Variants in ADARB2 observed in about 807,000 individuals in gnomAD.
ADARB2 encodes the protein adenosine deaminase RNA specific B2 (inactive).
In ADARB2, 25 loss-of-function variants were observed where a neutral mutation model predicts 62.2. The observed-to-expected ratio is 0.40, with a 90% confidence interval of 0.29 to 0.56. The LOEUF is 0.56. ADARB2 is among the 20% of genes least tolerant of loss of function. The pLI is 0.43. For missense variants in ADARB2, 1,071 were observed against 1,077.4 expected (o/e 0.99, Z 0.08); for synonymous variants, 572 against 500.8 (o/e 1.14, Z -1.90).
intron 1 of ADARB2, among the ~76,000 whole-genome samples, chr10:1,396,389 A>G (rs976161440): frequency 6.6e-6 from 1 of 152,162 alleles, no homozygotes; most frequent in Non-Finnish European, 1.5e-5. Context: ...AGTTTGGGCT[A>G]TTTGAACAAA....
chr10:1,569,069 A>G (rs371656878), intron 1 of ADARB2, among the ~76,000 whole-genome samples: 1 of 151,108 alleles, frequency 6.6e-6, no homozygotes, highest in East Asian at 1.9e-4. Context: ...AAAGAGAGAC[A>G]GAGACAGACA....
intron 1 of ADARB2, among the ~76,000 whole-genome samples, chr10:1,627,187 C>T (rs996061973): frequency 3.9e-5 from 6 of 152,022 alleles, no homozygotes; most frequent in African/African-American, 9.7e-5. Context: ...TAACTTGGGA[C>T]GTGCACAAGA....
At chr10:1,233,914 G>T (rs182197494) in intron 5 of ADARB2, 69 bp from the exon 6 acceptor site, 7 of 1,494,338 alleles carry the variant, frequency 4.7e-6, no homozygotes, top group Non-Finnish European at 2.7e-6. Context: ...CCAGGTGAAC[G>T]CTTGAGTCCT....
chr10:1,435,627 C>T (rs1174319083), intron 1 of ADARB2, among the ~76,000 whole-genome samples: 1 of 149,796 alleles, frequency 6.7e-6, no homozygotes, highest in Non-Finnish European at 1.5e-5. Flanking sequence ...TCTCTCCTTC[C>T]ACTTCCTGGG....
At position 1,736,767 on chromosome 10, in the gene ADARB2, A is replaced by G. The variant is rs1198937339; in HGVS notation, c.100+284T>C. The stretch of plus-strand genomic sequence containing the variant: ...CCACTGGGGACTGCGGGGCCCGGAG[A>G]CGCGCGGGGTCCCCGGGGAGCTCCT... On this transcript the variant is annotated intron_variant, in intron 1 of 9. Transcript: ENST00000381312. Among the ~76,000 whole-genome samples the G allele has an allele frequency of 2.0e-5, 3 of 152,118 alleles. No individual in the cohort carries two copies. The East Asian group carries it at 5.8e-4, about 29-fold the overall frequency.
intron 1 of ADARB2, among the ~76,000 whole-genome samples, chr10:1,514,658 T>A (rs1281671559): frequency 6.6e-6 from 1 of 152,090 alleles, no homozygotes; most frequent in Admixed American, 6.5e-5. Context: ...AACTGAATTT[T>A]AAGTTGTATT....
intron 1 of ADARB2, among the ~76,000 whole-genome samples, chr10:1,550,545 C>T (rs1269293502): frequency 1.3e-5 from 2 of 152,190 alleles, no homozygotes; most frequent in Non-Finnish European, 2.9e-5. Flanking sequence ...CCACATGGCC[C>T]AATTTACCAC....
At chr10:1,276,310 G>A (rs11250382) in intron 3 of ADARB2, among the ~76,000 whole-genome samples, 26,242 of 152,064 alleles carry the variant, frequency 0.17, 2,473 homozygotes, top group Admixed American at 0.29. Context: ...GTCTTCTTTT[G>A]AGAAGTGTCT....
At chr10:1,506,105 A>T (rs1477985047) in intron 1 of ADARB2, among the ~76,000 whole-genome samples, 1 of 151,854 alleles carries the variant, frequency 6.6e-6, no homozygotes, top group East Asian at 1.9e-4. Flanking sequence ...TGGGAAGATG[A>T]TGTGCATGTC....
intron 6 of ADARB2, among the ~76,000 whole-genome samples, chr10:1,232,717 ATG>A (rs757810457): frequency 3.0e-4 from 39 of 131,616 alleles, no homozygotes; most frequent in Middle Eastern, 4.2e-3. Flanking sequence ...TGTATGTGGT[ATG>A]TGTGTAGTGT....
intron 3 of ADARB2, among the ~76,000 whole-genome samples, chr10:1,318,369 C>A (rs1831760658): frequency 6.6e-5 from 10 of 152,156 alleles, no homozygotes; most frequent in Admixed American, 6.5e-4. Context: ...CTGACAGCTC[C>A]CTGCAGAATT....
At chr10:1,665,990 G>A (rs2119094657) in intron 1 of ADARB2, among the ~76,000 whole-genome samples, 2 of 151,274 alleles carry the variant, frequency 1.3e-5, no homozygotes, top group Middle Eastern at 6.9e-3. Flanking sequence ...CCACAGAGTG[G>A]CCTGCAGGGA....
chr10:1,693,807 G>T (rs994448281), intron 1 of ADARB2, among the ~76,000 whole-genome samples: 1 of 152,166 alleles, frequency 6.6e-6, no homozygotes, highest in Non-Finnish European at 1.5e-5. Context: ...TTATATTGAG[G>T]AAACATAAGA....
At chr10:1,294,133 T>C (rs1416118701) in intron 3 of ADARB2, among the ~76,000 whole-genome samples, 1 of 152,120 alleles carries the variant, frequency 6.6e-6, no homozygotes, top group Non-Finnish European at 1.5e-5. Flanking sequence ...GGTACGAGAA[T>C]AGATCATTTG....
chr10:1,698,760 TTTATTA>T (rs1004582827), intron 1 of ADARB2, among the ~76,000 whole-genome samples: 68 of 152,204 alleles, frequency 4.5e-4, no homozygotes, highest in Admixed American at 4.3e-3. Flanking sequence ...TTTTAAAAAA[TTTATTA>T]TTATTATTTT....
chr10:1,369,443 C>T (rs1243200687), intron 2 of ADARB2, among the ~76,000 whole-genome samples: 1 of 152,062 alleles, frequency 6.6e-6, no homozygotes, highest in Non-Finnish European at 1.5e-5. Flanking sequence ...GTGGAAGTTA[C>T]CCCCTGGATT....
chr10:1,437,507 A>C (rs1204464033), intron 1 of ADARB2, among the ~76,000 whole-genome samples: 8 of 152,196 alleles, frequency 5.3e-5, no homozygotes, highest in Admixed American at 1.3e-4. Context: ...AGCCCGAGTC[A>C]GGTCTCTTAT....
chr10:1,193,216 A>C (rs1836866408), intron 8 of ADARB2, among the ~76,000 whole-genome samples: 1 of 152,230 alleles, frequency 6.6e-6, no homozygotes, highest in Non-Finnish European at 1.5e-5. Context: ...TTGTGCCTCC[A>C]CTGATCTCCA....
At position 1,477,835 on chromosome 10, in the gene ADARB2, C is replaced by T. The variant is rs1831422072; in HGVS notation, c.101-98675G>A. Among the ~76,000 whole-genome samples the T allele has an allele frequency of 6.6e-6, 1 of 152,238 alleles. No homozygotes were observed. The highest frequency in any genetic ancestry group is 1.5e-5 in the Non-Finnish European group (1 of 68,038). On this transcript the variant is annotated intron_variant, in intron 1 of 9. Transcript: ENST00000381312. The surrounding 1 kb of genome is among the most constrained non-coding windows in gnomAD (Gnocchi z 4.5). ...TGGGCCACACATGTCTTTAACAATC[C>T]TGTGGCGGGCAGGTGCCTCCCCAGA...
Sources: allele counts gnomAD v4.1 joint callset (sites outside exome capture counted in the v4.1 genomes callset), GRCh38; gene constraint gnomAD v4.1.1; non-coding constraint Gnocchi (gnomAD v3.1); transcripts MANE v1.5; gene names NCBI Gene and HGNC (gene_info 2026-07-23, HGNC 2026-07-21).